The following PPP2R5C variants were observed in gnomAD, a reference collection of about 807,000 sequenced individuals.
PPP2R5C encodes protein phosphatase 2 regulatory subunit B'gamma.
In PPP2R5C, 7 loss-of-function variants were observed where a neutral mutation model predicts 68.9. The observed-to-expected ratio is 0.10, with a 90% CI of 0.06 to 0.19. PPP2R5C has a LOEUF of 0.19. Among genes scored for constraint, PPP2R5C ranks in the 10% least tolerant of loss-of-function variants. The pLI, the probability that PPP2R5C is intolerant of heterozygous loss-of-function variation, is 1.00. For missense variants in PPP2R5C, 348 were observed against 641.3 expected, an observed-to-expected ratio of 0.54 and a Z score of 4.94; for synonymous variants, 210 against 222.2, an observed-to-expected ratio of 0.95 and a Z score of 0.49.
Position 101,797,455 on chromosome 14 carries a change from A to T in PPP2R5C, c.259+11272A>T. The stretch of plus-strand genomic sequence containing the variant: ...AACACACAGTGTGTCTCCTGAAGGA[A>T]TGAAAAGCCCTCCTGGCCCCTCTGC... On this transcript the variant is annotated intron_variant, in intron 3 of 14. Coordinates refer to the PPP2R5C transcript ENST00000328724. The surrounding 1 kb of genome is among the most constrained non-coding windows in gnomAD (Gnocchi z 4.2). 1 of 368,224 alleles carries T rather than the reference A, an allele frequency of 2.7e-6. No individual in the cohort carries two copies. Among genetic ancestry groups the T allele is most frequent in the Non-Finnish European group, 5.5e-6 (1 of 181,726 alleles). 22.8% of individuals were successfully genotyped at this position (368,224 alleles called of 1,614,324 possible).
At chr14:101,902,488 A>G (rs2045747489) in intron 9 of PPP2R5C, among the ~76,000 whole-genome samples, 1 of 152,118 alleles carries the variant, frequency 6.6e-6, no homozygotes, top group Non-Finnish European at 1.5e-5. Context: ...CCTCTGTTGG[A>G]CGTGCTAGCC....
chr14:101,870,492 T>C (rs369179248), intron 2 of PPP2R5C, among the ~76,000 whole-genome samples: 1 of 152,276 alleles, frequency 6.6e-6, no homozygotes, highest in African/African-American at 2.4e-5. Context: ...TTCTGGACTC[T>C]GTCCTGTCGC....
rs1214661128 is a variant in PPP2R5C, at chr14:101,899,957, G to T, written c.853-1762G>T. On this transcript the variant is annotated intron_variant, in intron 8 of 13. Transcript: ENST00000334743. This position sits in a 1 kb window ranked among gnomAD's most constrained non-coding sequence, Gnocchi z 4.2. ...CTTGGAGTACAGTGGCGCAGTCATGGCTCACTGCAGCCTCAACCTCCTGGG... is the reference window on the plus strand; with the variant it reads ...CTTGGAGTACAGTGGCGCAGTCATGTCTCACTGCAGCCTCAACCTCCTGGG... Among the ~76,000 whole-genome samples, 1 of 152,054 alleles carries T rather than the reference G, an allele frequency of 6.6e-6. No individual in the cohort carries two copies. The highest frequency in any genetic ancestry group is 6.6e-5 in the Admixed American group (1 of 15,248).
At chr14:101,873,910 C>T (rs2043585092) in intron 2 of PPP2R5C, among the ~76,000 whole-genome samples, 1 of 152,174 alleles carries the variant, frequency 6.6e-6, no homozygotes, top group African/African-American at 2.4e-5. Flanking sequence ...TGTCTGAAAT[C>T]CAGTGTCTTG....
intron 13 of PPP2R5C, among the ~76,000 whole-genome samples, chr14:101,922,586 G>A (rs1053587331): frequency 1.3e-5 from 2 of 151,874 alleles, no homozygotes; most frequent in African/African-American, 4.8e-5. Context: ...GGCTGAGGCA[G>A]GAGAATTGCT....
exon 14 of PPP2R5C, chr14:101,925,246 G>A (rs747831448): frequency 1.9e-6 from 3 of 1,613,528 alleles, no homozygotes; most frequent in Non-Finnish European, 2.5e-6. Context: ...CAGGGCCGAT[G>A]AGCTGGCCTC....
intron 1 of PPP2R5C, among the ~76,000 whole-genome samples, chr14:101,823,452 T>G (rs1352489740): frequency 6.6e-6 from 1 of 152,244 alleles, no homozygotes. Context: ...ACCAGTTTAC[T>G]CGGAGTAATT....
At chr14:101,796,929 A>G (rs1448660796) in intron 3 of PPP2R5C, 1 of 308,822 alleles carries the variant, frequency 3.2e-6, no homozygotes, top group Non-Finnish European at 6.4e-6. Flanking sequence ...ACTGAGGTGA[A>G]ATACACATGT....
intron 1 of PPP2R5C, among the ~76,000 whole-genome samples, chr14:101,837,983 A>G (rs2041225443): frequency 6.6e-6 from 1 of 152,202 alleles, no homozygotes; most frequent in Non-Finnish European, 1.5e-5. Context: ...CAGAACCACC[A>G]TTGCCTCCAA....
intron 1 of PPP2R5C, among the ~76,000 whole-genome samples, chr14:101,853,308 G>GA (rs1356608872): frequency 6.6e-6 from 1 of 151,468 alleles, no homozygotes; most frequent in African/African-American, 2.4e-5. Flanking sequence ...GAAAAGAAAT[G>GA]AAAAAAAGAG....
At position 101,774,117 on chromosome 14, in the gene PPP2R5C, C is replaced by T. The variant is rs148482641; in HGVS notation, c.93+11147C>T. ...GGCAAGAGCTGAACAAGGAGACCAA[C>T]TGGAAGACTTTGCTTCTCAGATGAA... On this transcript the variant is annotated intron_variant, in intron 2 of 14. Transcript: ENST00000328724. 1.4e-4 allele frequency among the ~76,000 whole-genome samples: 21 copies of T among 152,322 alleles called. 1 individual carries two copies. The Middle Eastern group carries it at 0.01, about 74-fold the overall frequency.
chr14:101,816,126 C>T (rs2039651413), intron 1 of PPP2R5C, among the ~76,000 whole-genome samples: 1 of 152,224 alleles, frequency 6.6e-6, no homozygotes, highest in South Asian at 2.1e-4. Flanking sequence ...CAAAAACCTG[C>T]TGAGCAGACG....
chr14:101,767,999 G>A (rs1028903648), intron 2 of PPP2R5C, among the ~76,000 whole-genome samples: 2 of 152,304 alleles, frequency 1.3e-5, no homozygotes, highest in Admixed American at 6.5e-5. Flanking sequence ...TAGACCAAGG[G>A]TTCCCATCTG....
chr14:101,886,125 C>A (rs1002288705), intron 5 of PPP2R5C, among the ~76,000 whole-genome samples: 1 of 151,710 alleles, frequency 6.6e-6, no homozygotes, highest in African/African-American at 2.4e-5. Context: ...ACTAAAAATA[C>A]AAAAAATTAG....
chr14:101,893,229 G>A (rs985026498), intron 7 of PPP2R5C, 121 bp downstream of exon 9: 12 of 608,150 alleles, frequency 2.0e-5, no homozygotes, highest in Non-Finnish European at 3.4e-5. Flanking sequence ...ACTAACTTTG[G>A]TAACAAACTT....
intron 3 of PPP2R5C, among the ~76,000 whole-genome samples, chr14:101,802,603 G>A (rs538037480): frequency 2.6e-5 from 4 of 151,788 alleles, no homozygotes; most frequent in African/African-American, 4.8e-5. Flanking sequence ...AAGCTCAGGC[G>A]ACAAAAATAA....
chr14:101,918,844 C>T (rs1350051138), intron 13 of PPP2R5C, among the ~76,000 whole-genome samples: 1 of 150,250 alleles, frequency 6.7e-6, no homozygotes, highest in Non-Finnish European at 1.5e-5. Context: ...TTTCAAATGC[C>T]TGTAAACTAA....
At chr14:101,920,349 C>A (rs1411613355) in intron 13 of PPP2R5C, among the ~76,000 whole-genome samples, 1 of 152,170 alleles carries the variant, frequency 6.6e-6, no homozygotes, top group Non-Finnish European at 1.5e-5. Context: ...CAGGAAGGAA[C>A]CAGTCCTATG....
Position 101,899,215 on chromosome 14 carries a change from C to T in PPP2R5C, c.853-2504C>T, listed in dbSNP as rs1256307025. On this transcript the variant is annotated intron_variant, in intron 8 of 13. Coordinates refer to ENST00000334743, the Ensembl canonical transcript of PPP2R5C. The surrounding 1 kb of genome is among the most constrained non-coding windows in gnomAD (Gnocchi z 4.2). ...ATTTTACAGAAGTAAAACTGTGTTC[C>T]GTTTTCACCCACCTGCCTCTTCAGT... Among the ~76,000 whole-genome samples the T allele has an allele frequency of 6.6e-6, 1 of 152,228 alleles. No individual in the cohort carries two copies. Among genetic ancestry groups the T allele is most frequent in the Non-Finnish European group, 1.5e-5 (1 of 68,036 alleles).
Sources: allele counts gnomAD v4.1 joint callset (sites outside exome capture counted in the v4.1 genomes callset), GRCh38; gene constraint gnomAD v4.1.1; non-coding constraint Gnocchi (gnomAD v3.1); transcripts MANE v1.5; gene names NCBI Gene and HGNC (gene_info 2026-07-23, HGNC 2026-07-21).